The following MAGI1 variants were observed in gnomAD, a reference collection of about 807,000 sequenced individuals.
MAGI1 encodes the protein membrane-associated guanylate kinase, WW and PDZ domain-containing protein 1.
In MAGI1, 58 loss-of-function variants were observed where a neutral mutation model predicts 139.9. The observed-to-expected ratio is 0.41, with a 90% confidence interval of 0.34 to 0.52. The LOEUF (loss-of-function observed/expected upper bound fraction) is 0.52, where lower values mean the gene tolerates loss of function less well. MAGI1 is among the 20% of genes least tolerant of loss of function. MAGI1 has a pLI of 0.12. For missense variants in MAGI1, 1,874 were observed against 1,901.6 expected (o/e 0.99, Z 0.27); for synonymous variants, 812 against 737.9 (o/e 1.10, Z -1.63).
intron 1 of MAGI1, among the ~76,000 whole-genome samples, chr3:65,659,337 T>C (rs898040900): frequency 6.6e-6 from 1 of 152,160 alleles, no homozygotes; most frequent in African/African-American, 2.4e-5. Flanking sequence ...ACAAAAGCTA[T>C]GAGTTGATAA....
At chr3:65,955,570 G>A (rs1158318396) in intron 1 of MAGI1, among the ~76,000 whole-genome samples, 1 of 152,152 alleles carries the variant, frequency 6.6e-6, no homozygotes, top group East Asian at 1.9e-4. Context: ...CTCAGGAGTG[G>A]TGGCATGATG....
intron 1 of MAGI1, among the ~76,000 whole-genome samples, chr3:65,725,116 A>C (rs1416874055): frequency 1.3e-5 from 2 of 152,232 alleles, no homozygotes; most frequent in African/African-American, 4.8e-5. Flanking sequence ...AGAAGGAAAC[A>C]ACTCCAAATG....
chr3:65,801,285 G>C (rs1257435990), intron 1 of MAGI1, among the ~76,000 whole-genome samples: 1 of 152,182 alleles, frequency 6.6e-6, no homozygotes, highest in Non-Finnish European at 1.5e-5. Context: ...CCAATCATTT[G>C]AGTCTTTTGA....
At chr3:65,977,224 C>T (rs1051863766) in intron 1 of MAGI1, among the ~76,000 whole-genome samples, 2 of 152,142 alleles carry the variant, frequency 1.3e-5, no homozygotes, top group African/African-American at 4.8e-5. Context: ...ACCACCATCC[C>T]GCAGTGGCAT....
At chr3:66,000,036 G>C (rs186635272) in intron 1 of MAGI1, among the ~76,000 whole-genome samples, 31 of 147,158 alleles carry the variant, frequency 2.1e-4, no homozygotes, top group African/African-American at 7.8e-4. Context: ...GCAGTGGCGC[G>C]AACTAGGCTC....
intron 18 of MAGI1, among the ~76,000 whole-genome samples, chr3:65,367,640 C>A (rs930079669): frequency 6.6e-6 from 1 of 152,008 alleles, no homozygotes; most frequent in African/African-American, 2.4e-5. Context: ...AATTATGGCC[C>A]CAGTTTACAA....
chr3:66,003,931 C>G (rs2066883256), intron 1 of MAGI1: 1 of 152,178 alleles, frequency 6.6e-6, no homozygotes, highest in African/African-American at 2.4e-5. Context: ...CCACTGCACT[C>G]AGACAAGCTG....
intron 1 of MAGI1, among the ~76,000 whole-genome samples, chr3:65,746,614 C>A (rs1266651625): frequency 6.6e-6 from 1 of 152,108 alleles, no homozygotes; most frequent in Non-Finnish European, 1.5e-5. Flanking sequence ...GGGTATCTAT[C>A]CATTCACTCG....
intron 2 of MAGI1, among the ~76,000 whole-genome samples, chr3:65,555,747 A>G (rs143562477): frequency 6.6e-6 from 1 of 152,268 alleles, no homozygotes; most frequent in Non-Finnish European, 1.5e-5. Context: ...GGTCCCAGCT[A>G]CTTGTGAGGC....
intron 1 of MAGI1, among the ~76,000 whole-genome samples, chr3:65,716,052 A>G (rs1472329031): frequency 1.3e-5 from 2 of 152,246 alleles, no homozygotes; most frequent in African/African-American, 4.8e-5. Context: ...AAAACAAACA[A>G]TTATATTCCA....
chr3:65,502,708 AC>A (rs1287911708), intron 2 of MAGI1, among the ~76,000 whole-genome samples: 7 of 152,150 alleles, frequency 4.6e-5, no homozygotes, highest in African/African-American at 1.7e-4. Flanking sequence ...CGAGAATCTG[AC>A]CTTTGGTTAA....
chr3:66,021,567 C>T (rs1247750331), intron 1 of MAGI1, among the ~76,000 whole-genome samples: 1 of 152,150 alleles, frequency 6.6e-6, no homozygotes, highest in African/African-American at 2.4e-5. Flanking sequence ...GGAAGAAAGG[C>T]CAATATTTTA....
intron 1 of MAGI1, among the ~76,000 whole-genome samples, chr3:65,639,005 T>G (rs887388411): frequency 5.3e-5 from 8 of 152,204 alleles, no homozygotes; most frequent in Non-Finnish European, 1.0e-4. Context: ...CGCCTTGGCC[T>G]CCCCAAGTGC....
chr3:65,706,017 T>C (rs775714257), intron 1 of MAGI1, among the ~76,000 whole-genome samples: 3 of 152,212 alleles, frequency 2.0e-5, no homozygotes, highest in Non-Finnish European at 2.9e-5. Context: ...AAGTACAAAC[T>C]GACTGTATTT....
At chr3:65,957,342 T>C (rs1324391604) in intron 1 of MAGI1, among the ~76,000 whole-genome samples, 1 of 125,618 alleles carries the variant, frequency 8.0e-6, no homozygotes, top group Non-Finnish European at 1.6e-5. Context: ...GGCAAAACCC[T>C]GTCTCTACAA....
At chr3:65,707,514 G>C (rs1329830262) in intron 1 of MAGI1, among the ~76,000 whole-genome samples, 2 of 151,962 alleles carry the variant, frequency 1.3e-5, no homozygotes, top group African/African-American at 4.8e-5. Flanking sequence ...GTGAGACACT[G>C]TCTCTCTAAC....
At chr3:65,376,269 A>C (rs1942514049) in intron 17 of MAGI1, among the ~76,000 whole-genome samples, 1 of 152,248 alleles carries the variant, frequency 6.6e-6, no homozygotes, top group Non-Finnish European at 1.5e-5. Flanking sequence ...TAAGAGCCCC[A>C]AAATAACTGG....
At position 65,688,378 on chromosome 3, in the gene MAGI1, G is replaced by C. The variant is rs1406323581; in HGVS notation, c.314-66290C>G. On this transcript the variant is annotated intron_variant, in intron 1 of 22. Transcript: ENST00000402939. ...ACACCTTCAGAAAAGGCTTACAGTA[G>C]TCATTAGAGAAAAAGGAAAGGGAGG... The C allele has an allele frequency of 1.0e-5, 6 of 593,184 alleles. No individual in the cohort carries two copies. The Admixed American group carries it at 1.0e-4, about 10-fold the overall frequency. 36.7% of individuals were successfully genotyped at this position (593,184 alleles called of 1,614,324 possible). A position where few individuals can be genotyped will look rare whatever the true frequency, so the allele number is the denominator to read the frequency against.
chr3:65,845,251 CAAA>C (rs34871480), intron 1 of MAGI1, among the ~76,000 whole-genome samples: 2 of 140,974 alleles, frequency 1.4e-5, no homozygotes, highest in African/African-American at 2.7e-5. Flanking sequence ...GACTCCATCT[CAAA>C]AAAAAAAAGA....
Sources: allele counts gnomAD v4.1 joint callset (sites outside exome capture counted in the v4.1 genomes callset), GRCh38; gene constraint gnomAD v4.1.1; transcripts MANE v1.5; gene names NCBI Gene and HGNC (gene_info 2026-07-23, HGNC 2026-07-21).